TMTC1: variants seen among roughly 807,000 people sequenced by gnomAD.
TMTC1 encodes the protein transmembrane O-mannosyltransferase targeting cadherins 1.
In TMTC1, 73 loss-of-function variants were observed where a neutral mutation model predicts 104.8. That is an observed-to-expected ratio of 0.70 (90% confidence interval 0.58 to 0.85). TMTC1 has a LOEUF of 0.85. TMTC1 is among the 40% of genes least tolerant of loss of function. The probability of loss-of-function intolerance (pLI) is 0.00; values close to 1 mark genes in which losing one functional copy is unlikely to be tolerated. For synonymous variants in TMTC1, 434 were observed against 428.7 expected (o/e 1.01, Z -0.15); for missense variants, 1,035 against 1,096.1 (o/e 0.94, Z 0.79).
intron 5 of TMTC1, among the ~76,000 whole-genome samples, chr12:29,663,092 G>C (rs74078906): frequency 0.021 from 3,169 of 152,320 alleles, 79 homozygotes; most frequent in Middle Eastern, 0.088. Flanking sequence ...ACAAGATTTT[G>C]TGTGTATTTT....
intron 5 of TMTC1, among the ~76,000 whole-genome samples, chr12:29,640,207 C>T (rs1549411): frequency 0.21 from 31,817 of 152,100 alleles, 3,593 homozygotes; most frequent in African/African-American, 0.28. Context: ...CTCTGGCTTA[C>T]AAGGATGAAT....
intron 5 of TMTC1, among the ~76,000 whole-genome samples, chr12:29,662,666 CAAA>C (rs35610791): frequency 7.6e-4 from 66 of 86,594 alleles, no homozygotes; most frequent in African/African-American, 2.6e-3. Context: ...GACTCCGTCT[CAAA>C]AAAAAAAAAA....
In TMTC1 at chr12:29,748,585, C is replaced by G. The variant is rs555480805; in HGVS notation, c.938+3081G>C. Among the ~76,000 whole-genome samples the G allele has an allele frequency of 1.1e-4, 16 of 152,320 alleles. No homozygotes were observed. The South Asian group carries it at 2.7e-3, about 26-fold the overall frequency. On this transcript the variant is annotated intron_variant, in intron 5 of 17. Coordinates refer to ENST00000539277, the MANE Select transcript of TMTC1 (RefSeq NM_001193451.2). ...GGACAAGGTTTTTTAACCTCTAAGC[C>G]TCAGTTTCTTCATAGCAATGGGAGT...
chr12:29,749,392 T>C (rs1327843989), intron 5 of TMTC1, among the ~76,000 whole-genome samples: 1 of 152,200 alleles, frequency 6.6e-6, no homozygotes, highest in Non-Finnish European at 1.5e-5. Flanking sequence ...GTCACAAATA[T>C]TTAAGCAGCT....
At chr12:29,522,521 T>G (rs1276949061) in intron 11 of TMTC1, among the ~76,000 whole-genome samples, 1 of 151,898 alleles carries the variant, frequency 6.6e-6, no homozygotes, top group African/African-American at 2.4e-5. Context: ...GAAGAGAAGC[T>G]TTCTGAAGCT....
At chr12:29,660,737 G>A (rs1462867510) in intron 5 of TMTC1, 3 of 521,634 alleles carry the variant, frequency 5.8e-6, no homozygotes, top group Non-Finnish European at 8.5e-6. Flanking sequence ...TGTCTGAGCT[G>A]AGATAGAGTG....
intron 5 of TMTC1, among the ~76,000 whole-genome samples, chr12:29,693,946 C>T (rs1941338752): frequency 6.6e-6 from 1 of 152,020 alleles, no homozygotes; most frequent in African/African-American, 2.4e-5. Flanking sequence ...TAAAAATTCA[C>T]CAAATTCAAG....
intron 11 of TMTC1, chr12:29,533,366 T>C (rs530148990): frequency 6.6e-6 from 1 of 152,316 alleles, no homozygotes; most frequent in South Asian, 2.1e-4. Flanking sequence ...TGGGAAATGA[T>C]GTCAACAGAC....
At chr12:29,537,703 T>C (rs1944683205) in intron 10 of TMTC1, among the ~76,000 whole-genome samples, 1 of 152,120 alleles carries the variant, frequency 6.6e-6, no homozygotes, top group Non-Finnish European at 1.5e-5. Context: ...AACTGTCCCA[T>C]GAGGTATCAA....
intron 5 of TMTC1, among the ~76,000 whole-genome samples, chr12:29,743,435 A>C (rs1942877219): frequency 6.6e-6 from 1 of 152,210 alleles, no homozygotes; most frequent in African/African-American, 2.4e-5. Flanking sequence ...CTGAATTTTA[A>C]GAGAATTTTC....
chr12:29,655,416 T>C (rs1333669959), intron 5 of TMTC1, among the ~76,000 whole-genome samples: 1 of 152,220 alleles, frequency 6.6e-6, no homozygotes, highest in Admixed American at 6.5e-5. Flanking sequence ...TTAAGTTTTA[T>C]TTTTTCCACT....
chr12:29,561,375 T>C (rs923002834), intron 9 of TMTC1, among the ~76,000 whole-genome samples: 1 of 152,214 alleles, frequency 6.6e-6, no homozygotes, highest in Non-Finnish European at 1.5e-5. Context: ...TATGCTCTTA[T>C]AGGAACTAGT....
chr12:29,783,582 A>C lies in TMTC1; in HGVS notation c.170T>G (p.Ile57Ser). 1 of 1,482,828 alleles carries C rather than the reference A, an allele frequency of 6.7e-7. No individual in the cohort carries two copies. Among genetic ancestry groups the C allele is most frequent in the South Asian group, 1.3e-5 (1 of 78,652 alleles). 91.9% of individuals were successfully genotyped at this position (1,482,828 alleles called of 1,614,324 possible). ...GGGCCGCACGTCGGGGTTGTTCACGATCGCCCACACGTCGTCGTGCACGAA... is the reference window on the plus strand; with the variant it reads ...GGGCCGCACGTCGGGGTTGTTCACGCTCGCCCACACGTCGTCGTGCACGAA... ...GEFVHDDVWA[I>S]VNNPDVRPGA... The change falls in exon 1 of 18, where the codon ATC (isoleucine) becomes AGC (serine). Residue 57 changes from isoleucine to serine, a missense_variant. Physicochemically the swap from Ile to Ser is moderately radical, Grantham distance 142 (BLOSUM62 -2). Transcript: ENST00000539277. This position sits in a 1 kb window ranked among gnomAD's most constrained non-coding sequence, Gnocchi z 4.7.
intron 5 of TMTC1, among the ~76,000 whole-genome samples, chr12:29,742,517 TACAAAATGAA>T (rs1942853692): frequency 6.6e-6 from 1 of 152,162 alleles, no homozygotes; most frequent in African/African-American, 2.4e-5. Flanking sequence ...TTCACAAATC[TACAAAATGAA>T]ACACATCCTA....
intron 10 of TMTC1, among the ~76,000 whole-genome samples, chr12:29,551,399 A>G (rs1391264358): frequency 6.6e-6 from 1 of 152,180 alleles, no homozygotes; most frequent in African/African-American, 2.4e-5. Flanking sequence ...TAGATATTCA[A>G]TTTTCTAAAG....
chr12:29,755,831 G>T lies in TMTC1; in HGVS notation c.609C>A (p.Phe203Leu), dbSNP rs1943202792. ...GGSFPSTVSPFFLLLSLFLGT... is the reference protein window; with the variant it reads ...GGSFPSTVSPLFLLLSLFLGT... Reference sequence around the variant, plus strand: ...CCAGAAACAAACTGAGCAGCAAGAAGAAGGGAGACACCGTGGAAGGGAAAC... The same window carrying T: ...CCAGAAACAAACTGAGCAGCAAGAATAAGGGAGACACCGTGGAAGGGAAAC... The change falls in exon 4 of 18, where the codon TTC becomes TTA. Residue 203 changes from phenylalanine to leucine, a missense_variant. Physicochemically the swap from Phe to Leu is conservative, Grantham distance 22. Coordinates refer to ENST00000539277, the MANE Select transcript of TMTC1 (RefSeq NM_001193451.2). The T allele has an allele frequency of 3.7e-6, 6 of 1,614,184 alleles. No homozygotes were observed. Among genetic ancestry groups the T allele is most frequent in the Non-Finnish European group, 5.1e-6 (6 of 1,180,030 alleles).
chr12:29,585,117 T>G (rs1342730136), intron 7 of TMTC1, among the ~76,000 whole-genome samples: 56 of 150,688 alleles, frequency 3.7e-4, no homozygotes, highest in African/African-American at 1.3e-3. Flanking sequence ...TCCTGACTTT[T>G]TAATGATCGC....
At chr12:29,690,136 A>G (rs1719408912) in intron 5 of TMTC1, among the ~76,000 whole-genome samples, 1 of 152,204 alleles carries the variant, frequency 6.6e-6, no homozygotes, top group African/African-American at 2.4e-5. Context: ...TCACACAAAA[A>G]AACTGACTCA....
intron 11 of TMTC1, among the ~76,000 whole-genome samples, chr12:29,524,050 C>T (rs1395145897): frequency 2.0e-5 from 3 of 152,106 alleles, no homozygotes; most frequent in Non-Finnish European, 4.4e-5. Context: ...GGTCTCAGTA[C>T]ATCATTTATT....
Sources: gnomAD v4.1 joint callset for allele counts (sites outside exome capture counted in the v4.1 genomes callset) on GRCh38, gnomAD v4.1.1 for gene constraint, Gnocchi (gnomAD v3.1) non-coding constraint, MANE v1.5 for transcripts, NCBI Gene and HGNC (gene_info 2026-07-23, HGNC 2026-07-21) for gene names.